The following WASHC5 variants were observed in gnomAD, a reference collection of about 807,000 sequenced individuals.
The protein encoded by WASHC5 is WASH complex subunit strumpellin.
WASHC5 carries 101 observed loss-of-function variants against 150.4 expected under a neutral mutation model. That is an observed-to-expected ratio of 0.67 (90% CI 0.57 to 0.79). The LOEUF is 0.79. Among genes scored for constraint, WASHC5 ranks in the 30% least tolerant of loss-of-function variants. The pLI, the probability that WASHC5 is intolerant of heterozygous loss-of-function variation, is 0.00. For synonymous variants in WASHC5, 467 were observed against 491.2 expected, an observed-to-expected ratio of 0.95 and a Z score of 0.65; for missense variants, 1,195 against 1,396.3, an observed-to-expected ratio of 0.86 and a Z score of 2.30.
At position 125,052,599 on chromosome 8, in the gene WASHC5, T is replaced by TCACACACTA. The variant is rs1816272799; in HGVS notation, c.2098-1935_2098-1934insTAGTGTGTG. Among the ~76,000 whole-genome samples, 3 of 103,122 alleles carry TCACACACTA rather than the reference T, an allele frequency of 2.9e-5. No homozygotes were observed. In the Admixed American group the frequency reaches 3.8e-4, roughly 13 times the overall value. 67.7% of individuals were successfully genotyped at this position (103,122 alleles called of 152,430 possible). Reference sequence around the variant, plus strand: ...ATACACATAGTTGCATGCATGTATATCACACACACTACACACACACACACA... The same window carrying TCACACACTA: ...ATACACATAGTTGCATGCATGTATATCACACACTACACACACACTACACACACACACACA... On this transcript the variant is annotated intron_variant, in intron 17 of 28. Coordinates refer to ENST00000318410, the MANE Select transcript of WASHC5 (RefSeq NM_014846.4).
intron 1 of WASHC5, among the ~76,000 whole-genome samples, chr8:125,087,282 C>T (rs1817447896): frequency 6.6e-6 from 1 of 152,192 alleles, no homozygotes; most frequent in Admixed American, 6.5e-5. Context: ...TTCCTCCAAT[C>T]CCCATCTTTT....
chr8:125,053,001 T>C (rs1035593270), intron 17 of WASHC5, among the ~76,000 whole-genome samples: 20 of 152,162 alleles, frequency 1.3e-4, no homozygotes, highest in African/African-American at 4.6e-4. Flanking sequence ...TAATAAAGTA[T>C]TGAATATCTC....
At chr8:125,069,052 G>T (rs1323263794) in intron 9 of WASHC5, among the ~76,000 whole-genome samples, 1 of 152,236 alleles carries the variant, frequency 6.6e-6, no homozygotes, top group African/African-American at 2.4e-5. Context: ...TCACATGTTA[G>T]ACACTTGGTT....
rs1418900880 is a variant in WASHC5 at position 125,083,139 on chromosome 8, T to G, written c.306A>C (p.Val102=). 2 of 1,556,808 alleles carry G rather than the reference T, an allele frequency of 1.3e-6. No individual in the cohort carries two copies. The highest frequency in any genetic ancestry group is 2.7e-5 in the African/African-American group (2 of 73,612). Reference sequence around the variant, plus strand: ...TGTTTAAGTCTACAATATATTTATGTACACTTTGAAATGCTAAATAAAATC... The same window carrying G: ...TGTTTAAGTCTACAATATATTTATGGACACTTTGAAATGCTAAATAAAATC... ...VTRFYLAFQS[V]HKYIVDLNRY... Residue 102 remains valine, a synonymous_variant, in exon 3 of 29, where the codon GTA becomes GTC. Coordinates refer to ENST00000318410, the MANE Select transcript of WASHC5 (RefSeq NM_014846.4).
At chr8:125,054,972 T>G (rs1816365012) in intron 17 of WASHC5, among the ~76,000 whole-genome samples, 1 of 151,756 alleles carries the variant, frequency 6.6e-6, no homozygotes. Flanking sequence ...TTTCCCAAAA[T>G]TCAATCAAAT....
At position 125,024,586 on chromosome 8, in the gene WASHC5, A is replaced by C; in HGVS notation, c.*31T>G. 1.3e-6 allele frequency: 2 copies of C among 1,517,526 alleles called. No homozygotes were observed. The highest frequency in any genetic ancestry group is 1.8e-6 in the Non-Finnish European group (2 of 1,092,092). 94.0% of individuals were successfully genotyped at this position (1,517,526 alleles called of 1,614,324 possible). On this transcript the variant is annotated 3_prime_UTR_variant, in exon 29 of 29. Transcript: ENST00000318410. ...TGTGATGGTGGGAAGATCTAAGGAC[A>C]ATCCTTCCATTGAAGAAGTAGGAAA...
intron 6 of WASHC5, among the ~76,000 whole-genome samples, chr8:125,077,829 T>C (rs1382714005): frequency 1.3e-5 from 2 of 152,304 alleles, no homozygotes; most frequent in East Asian, 3.9e-4. Context: ...TTGGACTGAA[T>C]TCTCAATGAA....
chr8:125,058,399 A>C (rs140287196), intron 14 of WASHC5, among the ~76,000 whole-genome samples: 1,682 of 151,908 alleles, frequency 0.011, 28 homozygotes, highest in African/African-American at 0.039. Flanking sequence ...CCCACGTCCC[A>C]AAAAAAGGTG....
intron 19 of WASHC5, 139 bp from the exon 20 acceptor site, chr8:125,047,470 C>T: frequency 1.3e-6 from 1 of 788,976 alleles, no homozygotes; most frequent in Non-Finnish European, 2.0e-6. Context: ...TGGAGTCTCG[C>T]TCTGTCCCCC....
At chr8:125,083,386 G>T in intron 2 of WASHC5, 128 bp from the exon 3 acceptor site, 1 of 829,754 alleles carries the variant, frequency 1.2e-6, no homozygotes, top group South Asian at 1.6e-5. Context: ...GCAACAGAAA[G>T]TAGTGAAGAT....
In WASHC5 at chr8:125,083,737, G is replaced by T; in HGVS notation, c.162C>A (p.Ile54=). ...CCTTAAAATAGCTGAAATCAAATAT[G>T]ATATCTCCATATTTCTGTTGATCAG... is the stretch of plus-strand genomic sequence containing the variant. The part of the protein sequence containing the change: ...DRADQQKYGD[I]IFDFSYFKGP... Residue 54 remains isoleucine, a synonymous_variant, in exon 2 of 29, where the codon ATC becomes ATA. Transcript: ENST00000318410. 1 of 1,612,636 alleles carries T rather than the reference G, an allele frequency of 6.2e-7. No individual in the cohort carries two copies. The highest frequency in any genetic ancestry group is 8.5e-7 in the Non-Finnish European group (1 of 1,178,876).
intron 7 of WASHC5, among the ~76,000 whole-genome samples, chr8:125,075,923 T>G (rs1817046893): frequency 6.6e-6 from 1 of 152,210 alleles, no homozygotes; most frequent in East Asian, 1.9e-4. Flanking sequence ...ATATAAACTT[T>G]AGTAACCCCA....
At position 125,049,043 on chromosome 8, in the gene WASHC5, T is replaced by A; in HGVS notation, c.2342A>T (p.Asn781Ile). ...QEEVSRIINY[N>I]VEQECNNFLR... is the part of the protein sequence containing the mutation. ...AAAGTTATTACACTCTTGCTCCACG[T>A]TGTAATTTATGATACGAGATACTTC... The change falls in exon 19 of 29, where the codon AAC becomes ATC. Residue 781 changes from asparagine (N) to isoleucine (I), a missense_variant. By Grantham distance (149) the Asn-to-Ile change is moderately radical (BLOSUM62 -3). This residue lies in a region of WASHC5 where 997 missense variants were observed against 1,168.1 expected (regional missense o/e 0.85). Coordinates refer to ENST00000318410, the MANE Select transcript of WASHC5 (RefSeq NM_014846.4). The A allele has an allele frequency of 1.2e-6, 2 of 1,613,692 alleles. No homozygotes were observed. Among genetic ancestry groups the A allele is most frequent in the Non-Finnish European group, 1.7e-6 (2 of 1,179,656 alleles).
chr8:125,029,304 A>G (rs1815461954), intron 27 of WASHC5, among the ~76,000 whole-genome samples: 1 of 152,214 alleles, frequency 6.6e-6, no homozygotes, highest in South Asian at 2.1e-4. Flanking sequence ...AAGTGTTGGG[A>G]TTACAGGCGT....
At chr8:125,076,719 A>T (rs960347726) in intron 6 of WASHC5, among the ~76,000 whole-genome samples, 2 of 143,884 alleles carry the variant, frequency 1.4e-5, no homozygotes, top group Non-Finnish European at 3.0e-5. Context: ...CCAGCCCTTG[A>T]CCGCTGCAAT....
rs1258459680 is a variant in WASHC5 at position 125,057,581 on chromosome 8, C to A, written c.1850G>T (p.Gly617Val). The change falls in exon 15 of 29, where the codon GGA (glycine) becomes GTA (valine). Residue 617 changes from glycine to valine, a missense_variant. Physicochemically the swap from Gly to Val is moderately radical, Grantham distance 109 (BLOSUM62 -3). Around this residue, in one of 3 missense-constraint regions of WASHC5, gnomAD observed 997 missense variants for 1,168.1 expected, o/e 0.85. Coordinates refer to ENST00000318410, the MANE Select transcript of WASHC5 (RefSeq NM_014846.4). ...TTTTCTCACATAGGATACCAACTCT[C>A]CAGAATAGTACTGTGACACGCTGAG... Reference protein sequence around the residue: ...DLLSVSQYYSGELVSYVRKVL... With the variant: ...DLLSVSQYYSVELVSYVRKVL... 6.2e-7 allele frequency: 1 copy of A among 1,611,862 alleles called. No homozygotes were observed. Among genetic ancestry groups the A allele is most frequent in the Admixed American group, 1.7e-5 (1 of 60,008 alleles).
In WASHC5 at chr8:125,063,523, A is replaced by G; in HGVS notation, c.1407T>C (p.Asn469=). The G allele has an allele frequency of 6.2e-7, 1 of 1,613,648 alleles. No individual in the cohort carries two copies. The highest frequency in any genetic ancestry group is 1.3e-5 in the African/African-American group (1 of 74,958). ...CAGTATTTCCTCTTCAGTAATTACC[A>G]TTTTTCTCCACTCTGGTTAGGGGTT... ...GVKPLTRVEK[N]ENLQAWFREI... Residue 469 remains asparagine (N), a splice_region_variant and synonymous_variant, in exon 11 of 29, where the codon AAT becomes AAC. Coordinates refer to ENST00000318410, the MANE Select transcript of WASHC5 (RefSeq NM_014846.4).
chr8:125,046,454 T>C (rs1316777520), intron 20 of WASHC5, among the ~76,000 whole-genome samples: 6 of 152,210 alleles, frequency 3.9e-5, no homozygotes, highest in African/African-American at 7.2e-5. Context: ...GTATGTAGAC[T>C]GTGATTGGCT....
intron 8 of WASHC5, among the ~76,000 whole-genome samples, chr8:125,074,436 A>C (rs1396810971): frequency 6.6e-6 from 1 of 152,202 alleles, no homozygotes; most frequent in Non-Finnish European, 1.5e-5. Flanking sequence ...AGAAATATCA[A>C]GTATGCTCCC....
Sources: gnomAD v4.1 joint callset for allele counts (sites outside exome capture counted in the v4.1 genomes callset) on GRCh38, gnomAD v4.1.1 for gene constraint, gnomAD v4.1.1 regional missense constraint, MANE v1.5 for transcripts, NCBI Gene and HGNC (gene_info 2026-07-23, HGNC 2026-07-21) for gene names.